The following IL1RAPL2 variants were observed in gnomAD, a reference collection of about 807,000 sequenced individuals.
The protein encoded by IL1RAPL2 is X-linked interleukin-1 receptor accessory protein-like 2.
In IL1RAPL2, 3 loss-of-function variants were observed where a neutral mutation model predicts 44.1. The ratio of observed to expected loss-of-function variants is 0.07; its 90% CI spans 0.03 to 0.18. The LOEUF (loss-of-function observed/expected upper bound fraction) is 0.18. Ranked by LOEUF, IL1RAPL2 falls within the 10% of genes least tolerant of loss-of-function variation. The pLI is 1.00. For synonymous variants in IL1RAPL2, 181 were observed against 178.8 expected (o/e 1.01, Z -0.10); for missense variants, 391 against 496.4 (o/e 0.79, Z 2.02).
chrX:105,362,831 G>A (rs1366902490), intron 5 of IL1RAPL2, among the ~76,000 whole-genome samples: 3 of 111,270 alleles, frequency 2.7e-5, no homozygotes, highest in Non-Finnish European at 5.7e-5. Flanking sequence ...AGTCTATCAA[G>A]TTAACATATC....
intron 6 of IL1RAPL2, among the ~76,000 whole-genome samples, chrX:105,489,192 C>T (rs908873306): frequency 1.3e-4 from 15 of 111,699 alleles, no homozygotes; most frequent in African/African-American, 4.5e-4. Flanking sequence ...ACAACACGTA[C>T]GTGCAAAATT....
intron 6 of IL1RAPL2, among the ~76,000 whole-genome samples, chrX:105,668,570 A>G (rs1290680745): frequency 8.9e-6 from 1 of 112,590 alleles, no homozygotes; most frequent in Non-Finnish European, 1.9e-5. Flanking sequence ...GTTCCTTCTG[A>G]ACTAACACAA....
rs769005632 is a variant in IL1RAPL2, at chrX:104,693,516, G to T, written c.82+34521G>T. ...TGTCAAGCACTGGCCAGTACTCAGG[G>T]GTTTGCTGCATGATGGGTCACCTTC... On this transcript the variant is annotated intron_variant, in intron 2 of 10. Transcript: ENST00000372582. Among the ~76,000 whole-genome samples, 4 of 111,675 alleles carry T rather than the reference G, an allele frequency of 3.6e-5. No homozygotes were observed. The South Asian group carries it at 1.5e-3, about 42-fold the overall frequency.
chrX:105,026,540 T>A (rs775118853), intron 2 of IL1RAPL2, among the ~76,000 whole-genome samples: 1 of 111,055 alleles, frequency 9.0e-6, no homozygotes, highest in Non-Finnish European at 1.9e-5. Flanking sequence ...TCAGTAACAT[T>A]TCTATATGCC....
At chrX:104,866,166 G>A (rs1397030829) in intron 2 of IL1RAPL2, among the ~76,000 whole-genome samples, 1 of 111,736 alleles carries the variant, frequency 8.9e-6, no homozygotes, top group Non-Finnish European at 1.9e-5. Context: ...CTATGGTTCA[G>A]ACAATGAATA....
intron 2 of IL1RAPL2, among the ~76,000 whole-genome samples, chrX:104,893,216 TG>T (rs752821676): frequency 4.5e-5 from 5 of 112,111 alleles, no homozygotes; most frequent in Admixed American, 2.8e-4. Flanking sequence ...TCCAACTATT[TG>T]GTCAATTTTA....
intron 1 of IL1RAPL2, among the ~76,000 whole-genome samples, chrX:104,657,367 TG>T (rs199858859): frequency 0.028 from 3,065 of 110,808 alleles, 121 homozygotes; most frequent in African/African-American, 0.095. Flanking sequence ...AAACAAGAAA[TG>T]GGGAAAGGAT....
At chrX:104,970,475 T>C (rs1422712076) in intron 2 of IL1RAPL2, among the ~76,000 whole-genome samples, 2 of 111,873 alleles carry the variant, frequency 1.8e-5, no homozygotes. Flanking sequence ...GCTCAGGGCA[T>C]GGGCAGTTCT....
rs374094948 is a variant in IL1RAPL2 at position 105,765,919 on chromosome X, G to A, written c.1364-1045G>A. ...CTTTCTGTAAGCACTGCTTCTGCTAGAGGGCACTGTACATTAGACAAGGCC... is the reference window on the plus strand; with the variant it reads ...CTTTCTGTAAGCACTGCTTCTGCTAAAGGGCACTGTACATTAGACAAGGCC... On this transcript the variant is annotated intron_variant, in intron 10 of 10. Transcript: ENST00000372582. Among the ~76,000 whole-genome samples, 3 of 112,435 alleles carry A rather than the reference G, an allele frequency of 2.7e-5. No individual in the cohort carries two copies. In the East Asian group the frequency reaches 8.4e-4, roughly 32 times the overall value.
chrX:104,948,424 A>G (rs1417132875), intron 2 of IL1RAPL2, among the ~76,000 whole-genome samples: 11 of 97,183 alleles, frequency 1.1e-4, no homozygotes, highest in South Asian at 1.1e-3. Context: ...TCTCCTGCCT[A>G]ATTGCCCTGG....
chrX:105,304,804 T>C (rs1288797933), intron 5 of IL1RAPL2, among the ~76,000 whole-genome samples: 2 of 112,088 alleles, frequency 1.8e-5, no homozygotes, highest in Non-Finnish European at 3.8e-5. Context: ...CTTGTTTTGC[T>C]CAATGGATAT....
At chrX:104,602,210 T>A (rs191841271) in intron 1 of IL1RAPL2, among the ~76,000 whole-genome samples, 16 of 111,181 alleles carry the variant, frequency 1.4e-4, no homozygotes, top group African/African-American at 5.2e-4. Flanking sequence ...AGGCGTTGCC[T>A]CACCTAGGAA....
chrX:105,631,391 T>C (rs2037490973), intron 6 of IL1RAPL2, among the ~76,000 whole-genome samples: 1 of 111,767 alleles, frequency 8.9e-6, no homozygotes, highest in South Asian at 3.7e-4. Flanking sequence ...TTAATAGATA[T>C]AAACACCCCA....
In IL1RAPL2 at chrX:105,172,063, A is replaced by G. The variant is rs138524610; in HGVS notation, c.83-23412A>G. Among the ~76,000 whole-genome samples the G allele has an allele frequency of 4.7e-3, 526 of 112,475 alleles. 6 individuals carry two copies. The highest frequency in any genetic ancestry group is 0.016 in the African/African-American group (485 of 30,951). ...ATATTTGGAGGAAACTCAATGGTCA[A>G]AATGCCCCCATGGCATGTGTGGAAG... On this transcript the variant is annotated intron_variant, in intron 2 of 10. Coordinates refer to ENST00000372582, the MANE Select transcript of IL1RAPL2 (RefSeq NM_017416.2).
chrX:104,961,290 A>T (rs1474695654), intron 2 of IL1RAPL2, among the ~76,000 whole-genome samples: 3 of 111,745 alleles, frequency 2.7e-5, no homozygotes, highest in African/African-American at 9.8e-5. Flanking sequence ...TTGAAGTAGG[A>T]TCACATTTGT....
chrX:105,042,999 A>G (rs1391017868), intron 2 of IL1RAPL2, among the ~76,000 whole-genome samples: 2 of 100,015 alleles, frequency 2.0e-5, no homozygotes, highest in Non-Finnish European at 4.0e-5. Flanking sequence ...AACACCGCAT[A>G]TTCTCACTCA....
At chrX:105,354,392 T>C (rs907290718) in intron 5 of IL1RAPL2, among the ~76,000 whole-genome samples, 3 of 106,636 alleles carry the variant, frequency 2.8e-5, no homozygotes, top group Non-Finnish European at 5.8e-5. Flanking sequence ...CTCAGCAAAC[T>C]ATCCCAAGGA....
At chrX:104,847,903 C>T (rs1188643881) in intron 2 of IL1RAPL2, among the ~76,000 whole-genome samples, 2 of 110,559 alleles carry the variant, frequency 1.8e-5, no homozygotes, top group Non-Finnish European at 3.8e-5. Flanking sequence ...TGAAGAGGTC[C>T]TTCACATCCC....
chrX:104,581,150 C>T (rs1423002596), intron 1 of IL1RAPL2, among the ~76,000 whole-genome samples: 1 of 112,186 alleles, frequency 8.9e-6, no homozygotes, highest in African/African-American at 3.2e-5. Flanking sequence ...TTCTGGGCTT[C>T]GATTTTCAAT....
Sources: gnomAD v4.1 joint callset for allele counts (sites outside exome capture counted in the v4.1 genomes callset) on GRCh38, gnomAD v4.1.1 for gene constraint, MANE v1.5 for transcripts, NCBI Gene and HGNC (gene_info 2026-07-23, HGNC 2026-07-21) for gene names.